Variants in C10orf67 observed in about 807,000 individuals in gnomAD.
The protein encoded by C10orf67 is uncharacterized protein C10orf67, mitochondrial.
Under a neutral mutation model 35.6 loss-of-function variants are expected in C10orf67, and 60 were observed. The ratio of observed to expected loss-of-function variants is 1.68; its 90% confidence interval spans 1.37 to 2.09. The LOEUF is 2.09. Among genes scored for constraint, C10orf67 ranks in the 30% most tolerant of loss-of-function variants. The pLI is 0.00. For missense variants in C10orf67, 474 were observed against 330.2 expected, an observed-to-expected ratio of 1.44 and a Z score of -3.38; for synonymous variants, 167 against 115.8, an observed-to-expected ratio of 1.44 and a Z score of -2.84.
At chr10:23,278,941 T>C (rs1240859124) in intron 8 of C10orf67, among the ~76,000 whole-genome samples, 6 of 152,218 alleles carry the variant, frequency 3.9e-5, no homozygotes, top group Non-Finnish European at 8.8e-5. Context: ...GTTTGCCTTC[T>C]AGCTCTTTGA....
intron 8 of C10orf67, among the ~76,000 whole-genome samples, chr10:23,278,616 C>A (rs1843266779): frequency 1.3e-5 from 2 of 152,200 alleles, no homozygotes; most frequent in South Asian, 4.2e-4. Flanking sequence ...GTGTGCCACG[C>A]CAGCATGAGG....
chr10:23,234,098 A>G (rs1360927301), intron 13 of C10orf67, among the ~76,000 whole-genome samples: 1 of 152,222 alleles, frequency 6.6e-6, no homozygotes, highest in East Asian at 1.9e-4. Flanking sequence ...GTTCCACCAC[A>G]GTGAAAAATA....
At chr10:23,254,945 C>T (rs1308953931) in intron 10 of C10orf67, among the ~76,000 whole-genome samples, 1 of 152,090 alleles carries the variant, frequency 6.6e-6, no homozygotes, top group Non-Finnish European at 1.5e-5. Flanking sequence ...ATTTATATTA[C>T]CATTAAAGTA....
intron 13 of C10orf67, among the ~76,000 whole-genome samples, chr10:23,228,503 C>T (rs1841808237): frequency 6.6e-6 from 1 of 152,178 alleles, no homozygotes; most frequent in South Asian, 2.1e-4. Context: ...AAAACCTAGG[C>T]AATACCATTC....
intron 12 of C10orf67, among the ~76,000 whole-genome samples, chr10:23,249,662 G>C (rs1473202526): frequency 6.6e-6 from 1 of 152,212 alleles, no homozygotes; most frequent in African/African-American, 2.4e-5. Flanking sequence ...GTGTGTTTAA[G>C]AAATACAGTG....
intron 1 of C10orf67, among the ~76,000 whole-genome samples, chr10:23,334,510 G>A (rs569366855): frequency 7.4e-4 from 112 of 152,336 alleles, no homozygotes; most frequent in African/African-American, 2.6e-3. Context: ...ACCCCCATGC[G>A]GGGCACCCCA....
rs148615444 is a variant in C10orf67 at position 23,246,357 on chromosome 10, G to C, written c.1346+4098C>G. 4.2e-3 allele frequency among the ~76,000 whole-genome samples: 636 copies of C among 151,862 alleles called. 10 individuals carry two copies. The highest frequency in any genetic ancestry group is 0.015 in the African/African-American group (601 of 41,406). On this transcript the variant is annotated intron_variant, in intron 12 of 15. Transcript: ENST00000636213. ...ACATATCCCCTGACCTAAAATAAAAGTTAGAAAGGAAAAAAATGTTTTTTA... is the reference window on the plus strand; with the variant it reads ...ACATATCCCCTGACCTAAAATAAAACTTAGAAAGGAAAAAAATGTTTTTTA...
At chr10:23,282,843 A>G (rs1004397974) in intron 7 of C10orf67, among the ~76,000 whole-genome samples, 1 of 151,604 alleles carries the variant, frequency 6.6e-6, no homozygotes, top group Admixed American at 6.6e-5. Flanking sequence ...CCAACCATTT[A>G]TTTGTGGGAG....
intron 15 of C10orf67, among the ~76,000 whole-genome samples, chr10:23,220,867 A>T (rs1841557713): frequency 6.6e-6 from 1 of 152,226 alleles, no homozygotes; most frequent in Admixed American, 6.5e-5. Flanking sequence ...AAGAAGTTCA[A>T]CCTTTGATGC....
At chr10:23,242,459 G>T (rs745508084) in intron 12 of C10orf67, among the ~76,000 whole-genome samples, 5 of 152,080 alleles carry the variant, frequency 3.3e-5, no homozygotes, top group African/African-American at 4.8e-5. Flanking sequence ...CAGGCAGCAA[G>T]AAAATGATTT....
chr10:23,220,157 C>T (rs1367346029), intron 15 of C10orf67, among the ~76,000 whole-genome samples: 2 of 151,602 alleles, frequency 1.3e-5, no homozygotes, highest in Non-Finnish European at 2.9e-5. Flanking sequence ...GGATGACAGA[C>T]AAATACCCCA....
intron 4 of C10orf67, among the ~76,000 whole-genome samples, chr10:23,314,113 G>C (rs779938714): frequency 1.3e-5 from 2 of 151,944 alleles, no homozygotes; most frequent in Non-Finnish European, 2.9e-5. Context: ...GCTTGAGCCC[G>C]GGAGGCAGAG....
At chr10:23,232,003 T>C (rs1353697485) in intron 13 of C10orf67, among the ~76,000 whole-genome samples, 1 of 152,084 alleles carries the variant, frequency 6.6e-6, no homozygotes, top group Non-Finnish European at 1.5e-5. Context: ...GTGATAAAAC[T>C]ATGAAGAAAA....
chr10:23,233,809 T>C lies in C10orf67; in HGVS notation c.1434+5920A>G, dbSNP rs118018752. Among the ~76,000 whole-genome samples, 1,205 of 152,300 alleles carry C rather than the reference T, an allele frequency of 7.9e-3. 13 individuals carry two copies. Among genetic ancestry groups the C allele is most frequent in the South Asian group, 0.039 (186 of 4,824 alleles). ...TTACTTGGTTTTTGGTTTTGATAATTTCAGAAATGTAGTGGGTACTTGAGT... is the reference window on the plus strand; with the variant it reads ...TTACTTGGTTTTTGGTTTTGATAATCTCAGAAATGTAGTGGGTACTTGAGT... On this transcript the variant is annotated intron_variant, in intron 13 of 15. Transcript: ENST00000636213.
chr10:23,283,713 C>T (rs889666069), intron 7 of C10orf67, among the ~76,000 whole-genome samples: 1 of 152,180 alleles, frequency 6.6e-6, no homozygotes, highest in Non-Finnish European at 1.5e-5. Flanking sequence ...CCCCTCCCAA[C>T]TCTCCTGCAT....
intron 5 of C10orf67, among the ~76,000 whole-genome samples, chr10:23,300,416 T>C (rs1482229552): frequency 6.6e-6 from 1 of 152,224 alleles, no homozygotes; most frequent in Non-Finnish European, 1.5e-5. Flanking sequence ...CTGCTCCTCC[T>C]GATCTCTATT....
intron 13 of C10orf67, among the ~76,000 whole-genome samples, chr10:23,234,862 AT>A (rs1309176395): frequency 6.6e-6 from 1 of 151,954 alleles, no homozygotes; most frequent in East Asian, 1.9e-4. Flanking sequence ...AAAATACAAA[AT>A]TAGCCTGGTG....
chr10:23,296,601 G>A (rs1310443818), intron 5 of C10orf67, among the ~76,000 whole-genome samples: 1 of 152,184 alleles, frequency 6.6e-6, no homozygotes, highest in Non-Finnish European at 1.5e-5. Flanking sequence ...GCTTCCTGCT[G>A]AATTGGGGTG....
chr10:23,212,654 A>G (rs1841337201), intron 15 of C10orf67, among the ~76,000 whole-genome samples: 1 of 152,172 alleles, frequency 6.6e-6, no homozygotes. Context: ...GCTGGCTTGG[A>G]GTCTTTAGGA....
Sources: gnomAD v4.1 joint callset for allele counts (sites outside exome capture counted in the v4.1 genomes callset) on GRCh38, gnomAD v4.1.1 for gene constraint, MANE v1.5 for transcripts, NCBI Gene and HGNC (gene_info 2026-07-23, HGNC 2026-07-21) for gene names.